The following RP1 variants were observed in gnomAD, a reference collection of about 807,000 sequenced individuals.
RP1 encodes the protein oxygen-regulated protein 1.
In RP1, 16 loss-of-function variants were observed where a neutral mutation model predicts 14.8. The observed-to-expected ratio is 1.08, with a 90% confidence interval of 0.73 to 1.65. RP1 has a LOEUF of 1.65. Among genes scored for constraint, RP1 ranks in the 40% most tolerant of loss-of-function variants. RP1 has a pLI of 0.00. For missense variants in RP1, 2,631 were observed against 2,535.0 expected (o/e 1.04, Z -0.81); for synonymous variants, 876 against 883.6 (o/e 0.99, Z 0.15).
intron 17 of RP1, among the ~76,000 whole-genome samples, chr8:54,730,531 C>A (rs1198162161): frequency 6.6e-6 from 1 of 151,984 alleles, no homozygotes; most frequent in East Asian, 1.9e-4. Flanking sequence ...ACAGTCTCAG[C>A]TTGGAATACA....
intron 23 of RP1, among the ~76,000 whole-genome samples, chr8:54,781,445 G>C (rs75717487): frequency 0.036 from 5,514 of 152,178 alleles, 227 homozygotes; most frequent in African/African-American, 0.09. Context: ...TAAAATATCT[G>C]AAGTCATATT....
intron 7 of RP1, among the ~76,000 whole-genome samples, chr8:54,670,671 TTA>T (rs375877155): frequency 0.11 from 6,625 of 62,488 alleles, 723 homozygotes; most frequent in East Asian, 0.2. Context: ...ATATATGTTT[TTA>T]TATATATATA....
chr8:54,797,347 A>G (rs924818588), intron 24 of RP1, among the ~76,000 whole-genome samples: 5 of 152,208 alleles, frequency 3.3e-5, no homozygotes, highest in African/African-American at 1.2e-4. Context: ...TAAGGTAGAA[A>G]TAAAGTACAA....
intron 19 of RP1, among the ~76,000 whole-genome samples, chr8:54,744,215 CATATT>C (rs915152436): frequency 2.2e-4 from 34 of 152,252 alleles, no homozygotes; most frequent in African/African-American, 8.2e-4. Flanking sequence ...CAGTAGCACA[CATATT>C]ATATTAGGTG....
At chr8:54,798,645 A>G (rs1810629441) in intron 24 of RP1, among the ~76,000 whole-genome samples, 1 of 152,162 alleles carries the variant, frequency 6.6e-6, no homozygotes, top group Non-Finnish European at 1.5e-5. Context: ...ATTTATTTTG[A>G]GGGCATTAGT....
At chr8:54,863,266 G>A (rs6983776) in intron 27 of RP1, among the ~76,000 whole-genome samples, 96,332 of 151,694 alleles carry the variant, frequency 0.64, 31,253 homozygotes, top group African/African-American at 0.77. Flanking sequence ...TTGTGTGACA[G>A]TTGCCTACAG....
intron 3 of RP1, among the ~76,000 whole-genome samples, chr8:54,624,443 C>CAAAAA (rs11332494): frequency 1.8e-4 from 10 of 56,588 alleles, no homozygotes; most frequent in Admixed American, 5.3e-4. Flanking sequence ...GACTCTGTCT[C>CAAAAA]AAAAAAAAAA....
At chr8:54,649,069 A>C (rs768361590) in exon 4 of RP1, 87 of 1,532,594 alleles carry the variant, frequency 5.7e-5, no homozygotes, top group Non-Finnish European at 7.4e-5. Context: ...CTGTATGGAC[A>C]ACATAGAAGT....
chr8:54,719,431 A>G (rs918238185), intron 15 of RP1, among the ~76,000 whole-genome samples: 2 of 152,254 alleles, frequency 1.3e-5, no homozygotes, highest in African/African-American at 4.8e-5. Flanking sequence ...TGTATCACAA[A>G]TAAAATACTA....
At chr8:54,848,519 A>G (rs1811982645) in intron 25 of RP1, among the ~76,000 whole-genome samples, 1 of 152,190 alleles carries the variant, frequency 6.6e-6, no homozygotes, top group East Asian at 1.9e-4. Context: ...TCCCATACAC[A>G]CTGCTGGACA....
chr8:54,787,758 C>A (rs1226886931), intron 24 of RP1, among the ~76,000 whole-genome samples: 1 of 152,086 alleles, frequency 6.6e-6, no homozygotes. Flanking sequence ...AGGGCACTTG[C>A]CTAATCATTG....
At chr8:54,656,026 T>C (rs1806747458) in intron 5 of RP1, 10 of 1,305,638 alleles carry the variant, frequency 7.7e-6, no homozygotes, top group Non-Finnish European at 1.0e-5. Flanking sequence ...AAAAACTTAT[T>C]TGACACTTTG....
At chr8:54,602,602 G>A (rs2129305478) in intron 1 of RP1, among the ~76,000 whole-genome samples, 1 of 152,270 alleles carries the variant, frequency 6.6e-6, no homozygotes, top group Non-Finnish European at 1.5e-5. Context: ...GATCCCTGAG[G>A]AATCACTACA....
At chr8:54,574,101 C>T (rs1238244228) in intron 1 of RP1, among the ~76,000 whole-genome samples, 1 of 152,056 alleles carries the variant, frequency 6.6e-6, no homozygotes, top group African/African-American at 2.4e-5. Context: ...AGGCCTATAC[C>T]ATGGAGTTAG....
intron 24 of RP1, among the ~76,000 whole-genome samples, chr8:54,793,253 G>A (rs1810508495): frequency 6.6e-6 from 1 of 151,698 alleles, no homozygotes; most frequent in Non-Finnish European, 1.5e-5. Context: ...AAACATTTAA[G>A]GAATAATTAA....
At chr8:54,606,231 A>C (rs1463300752) in intron 1 of RP1, among the ~76,000 whole-genome samples, 13 of 152,208 alleles carry the variant, frequency 8.5e-5, no homozygotes, top group Admixed American at 8.5e-4. Flanking sequence ...CTTTTAGGGC[A>C]GGCCTGGTGG....
intron 1 of RP1, among the ~76,000 whole-genome samples, chr8:54,586,075 C>G (rs1449743961): frequency 6.6e-5 from 10 of 152,162 alleles, no homozygotes; most frequent in African/African-American, 2.2e-4. Context: ...GAGGTGCTCT[C>G]ATTTTTAGAG....
chr8:54,743,931 G>A (rs1809160540), intron 19 of RP1, among the ~76,000 whole-genome samples: 1 of 152,134 alleles, frequency 6.6e-6, no homozygotes, highest in South Asian at 2.1e-4. Context: ...TTCCAGTGTG[G>A]AAAACACTGA....
exon 21 of RP1, chr8:54,755,695 C>A: frequency 1.3e-6 from 2 of 1,535,842 alleles, no homozygotes; most frequent in Non-Finnish European, 1.7e-6. Flanking sequence ...TCCTCTGTCT[C>A]TTTGGGGAGA....
Sources: gnomAD v4.1 joint callset for allele counts (sites outside exome capture counted in the v4.1 genomes callset) on GRCh38, gnomAD v4.1.1 for gene constraint, MANE v1.5 for transcripts, NCBI Gene and HGNC (gene_info 2026-07-23, HGNC 2026-07-21) for gene names.